The following CDC40 variants were observed in gnomAD, a reference collection of about 807,000 sequenced individuals.
CDC40 encodes the protein cell division cycle 40, also known as pre-mRNA-processing factor 17.
CDC40 carries 27 observed loss-of-function variants against 80.6 expected under a neutral mutation model. The ratio of observed to expected loss-of-function variants is 0.33; its 90% CI spans 0.25 to 0.46. The LOEUF (loss-of-function observed/expected upper bound fraction) is 0.46. CDC40 is among the 20% of genes least tolerant of loss of function. The pLI is 1.00. For missense variants in CDC40, 486 were observed against 694.1 expected (o/e 0.70, Z 3.37); for synonymous variants, 221 against 232.6 (o/e 0.95, Z 0.45).
In CDC40 at chr6:110,210,291, T is replaced by G. The variant is rs908274642; in HGVS notation, c.631-416T>G. ...TAGAAGACTTGAGCTTGGCCGGGCC[T>G]GTAAGCCCAGCACTTTGGGAGGCCG... On this transcript the variant is annotated intron_variant, in intron 5 of 14. Transcript: ENST00000307731. Among the ~76,000 whole-genome samples, 7 of 152,042 alleles carry G rather than the reference T, an allele frequency of 4.6e-5. No homozygotes were observed. In the East Asian group the frequency reaches 1.4e-3, roughly 29 times the overall value.
chr6:110,209,367 A>G (rs1777604255), intron 5 of CDC40, 144 bp downstream of exon 5: 2 of 564,228 alleles, frequency 3.5e-6, no homozygotes, highest in Non-Finnish European at 6.3e-6. Context: ...AAAATATACA[A>G]TAAAATTTAT....
chr6:110,191,904 A>G (rs1777353686), intron 1 of CDC40, among the ~76,000 whole-genome samples: 1 of 152,238 alleles, frequency 6.6e-6, no homozygotes, highest in Non-Finnish European at 1.5e-5. Flanking sequence ...TTTCTTTACA[A>G]TTTTTAAAAT....
At chr6:110,192,821 T>A (rs1370046633) in intron 1 of CDC40, among the ~76,000 whole-genome samples, 1 of 152,170 alleles carries the variant, frequency 6.6e-6, no homozygotes, top group Non-Finnish European at 1.5e-5. Flanking sequence ...TCTAATACAG[T>A]TTGCTGAGTA....
chr6:110,201,618 G>A lies in CDC40; in HGVS notation c.337G>A (p.Gly113Arg), dbSNP rs1562202420. The change falls in exon 3 of 15, where the codon GGA (glycine) becomes AGA (arginine). Residue 113 changes from glycine to arginine, a missense_variant. Physicochemically the swap from Gly to Arg is moderately radical, Grantham distance 125 (BLOSUM62 -2). This residue lies in a region of CDC40 where 381 missense variants were observed against 492.1 expected (regional missense o/e 0.77). Coordinates refer to ENST00000307731, the MANE Select transcript of CDC40 (RefSeq NM_015891.3). ...QMAAPRNMLS[G>R]YAEPAHINDF... ...GGCTGCCCCTAGAAATATGCTTTCT[G>A]GATATGCCGAACCAGCTCATATCAA... 6.2e-7 allele frequency: 1 copy of A among 1,612,594 alleles called. No individual in the cohort carries two copies. Among genetic ancestry groups the A allele is most frequent in the Non-Finnish European group, 8.5e-7 (1 of 1,178,838 alleles).
At chr6:110,209,461 C>T in intron 5 of CDC40, 1 of 381,910 alleles carries the variant, frequency 2.6e-6, no homozygotes, top group Non-Finnish European at 4.7e-6. Context: ...CAATATTGAA[C>T]AATTTTCATA....
intron 5 of CDC40, among the ~76,000 whole-genome samples, chr6:110,209,911 C>G (rs1298818817): frequency 1.3e-5 from 2 of 152,046 alleles, no homozygotes; most frequent in Admixed American, 1.3e-4. Context: ...TATCTGTTGA[C>G]TTGTTATTAT....
chr6:110,229,442 A>C (rs1777907437), intron 14 of CDC40, among the ~76,000 whole-genome samples: 1 of 152,222 alleles, frequency 6.6e-6, no homozygotes, highest in Non-Finnish European at 1.5e-5. Context: ...TGTGAAGCCT[A>C]CAGCATGGTT....
chr6:110,181,935 T>G (rs1777203469), intron 1 of CDC40, among the ~76,000 whole-genome samples: 2 of 152,208 alleles, frequency 1.3e-5, no homozygotes, highest in African/African-American at 4.8e-5. Context: ...ATTATTTTAC[T>G]CTCCCTTTTC....
intron 1 of CDC40, among the ~76,000 whole-genome samples, chr6:110,186,475 C>T (rs896857981): frequency 6.6e-6 from 1 of 151,080 alleles, no homozygotes; most frequent in African/African-American, 2.5e-5. Flanking sequence ...CAGAGTAAGA[C>T]CCTGTCTCAT....
intron 13 of CDC40, among the ~76,000 whole-genome samples, chr6:110,228,417 C>T (rs1777893376): frequency 6.6e-6 from 1 of 152,038 alleles, no homozygotes; most frequent in Non-Finnish European, 1.5e-5. Flanking sequence ...CCTAGGCTTT[C>T]TCACCCCTTA....
In CDC40 at chr6:110,230,666, T is replaced by C. The variant is rs1304496952; in HGVS notation, c.*535T>C. 1 of 151,806 alleles carries C rather than the reference T, an allele frequency of 6.6e-6. No homozygotes were observed. Among genetic ancestry groups the C allele is most frequent in the Non-Finnish European group, 1.5e-5 (1 of 68,732 alleles). The allele number at this position is 151,806 out of a possible 1,614,324, so 9.4% of individuals were successfully genotyped here. ...ACTCCCTTTGATGATATATGTTGTATATTTTTAGTTGTAAAGCAGTAATCT... is the reference window on the plus strand; with the variant it reads ...ACTCCCTTTGATGATATATGTTGTACATTTTTAGTTGTAAAGCAGTAATCT... On this transcript the variant is annotated 3_prime_UTR_variant, in exon 15 of 15. Transcript: ENST00000307731.
At chr6:110,196,238 A>T (rs74331759) in intron 2 of CDC40, among the ~76,000 whole-genome samples, 9,666 of 152,292 alleles carry the variant, frequency 0.063, 381 homozygotes, top group African/African-American at 0.12. Context: ...TTTGAAGGCC[A>T]CTGTGGAGTT....
chr6:110,210,869 A>G (rs1777629155), intron 6 of CDC40, 66 bp downstream of exon 6: 2 of 714,942 alleles, frequency 2.8e-6, no homozygotes, highest in Non-Finnish European at 4.4e-6. Context: ...TTCGCTGTTC[A>G]TACAATATCA....
At chr6:110,219,323 C>G in intron 10 of CDC40, 41 bp from the exon 11 acceptor site, 1 of 938,410 alleles carries the variant, frequency 1.1e-6, no homozygotes, top group South Asian at 1.4e-5. Flanking sequence ...TTTAAGTGGT[C>G]AAATTTATTT....
At chr6:110,216,954 G>T (rs1777708844) in intron 9 of CDC40, among the ~76,000 whole-genome samples, 1 of 151,972 alleles carries the variant, frequency 6.6e-6, no homozygotes, top group Admixed American at 6.6e-5. Context: ...AGAAAATACA[G>T]AAATTAGCCA....
chr6:110,208,855 T>G (rs905701189), intron 4 of CDC40, among the ~76,000 whole-genome samples: 2 of 152,188 alleles, frequency 1.3e-5, no homozygotes, highest in Non-Finnish European at 2.9e-5. Flanking sequence ...GAATATTGAA[T>G]TAGTTTTAAG....
At chr6:110,206,199 G>A (rs1396942253) in intron 3 of CDC40, among the ~76,000 whole-genome samples, 2 of 152,048 alleles carry the variant, frequency 1.3e-5, no homozygotes, top group Admixed American at 6.6e-5. Flanking sequence ...GTGCAGTGGC[G>A]CGATCTCAGC....
At chr6:110,217,644 A>G in intron 9 of CDC40, 58 bp from the exon 10 acceptor site, 6 of 808,102 alleles carry the variant, frequency 7.4e-6, no homozygotes, top group South Asian at 5.4e-5. Flanking sequence ...TAATGTTTTA[A>G]GAGAAGAAGA....
At chr6:110,222,246 C>T (rs1413160358) in intron 12 of CDC40, among the ~76,000 whole-genome samples, 1 of 151,632 alleles carries the variant, frequency 6.6e-6, no homozygotes, top group Non-Finnish European at 1.5e-5. Context: ...CAGAGCAAGA[C>T]CCCATCTTAA....
Sources: gnomAD v4.1 joint callset for allele counts (sites outside exome capture counted in the v4.1 genomes callset) on GRCh38, gnomAD v4.1.1 for gene constraint, gnomAD v4.1.1 regional missense constraint, MANE v1.5 for transcripts, NCBI Gene and HGNC (gene_info 2026-07-23, HGNC 2026-07-21) for gene names.